SEMA5A: variants seen among roughly 807,000 people sequenced by gnomAD.
SEMA5A encodes semaphorin-5A.
In SEMA5A, 55 loss-of-function variants were observed where a neutral mutation model predicts 135.5. The observed-to-expected ratio is 0.41, with a 90% CI of 0.33 to 0.51. The LOEUF is 0.51. Ranked by LOEUF, SEMA5A falls within the 20% of genes least tolerant of loss-of-function variation. SEMA5A has a pLI of 0.37. For missense variants in SEMA5A, 1,290 were observed against 1,419.9 expected (o/e 0.91, Z 1.47); for synonymous variants, 580 against 546.5 (o/e 1.06, Z -0.85).
At position 9,379,998 on chromosome 5, in the gene SEMA5A, T is replaced by C. The variant is rs1805243; in HGVS notation, c.-52A>G. On this transcript the variant is annotated 5_prime_UTR_variant, in exon 3 of 23. Coordinates refer to ENST00000382496, the MANE Select transcript of SEMA5A (RefSeq NM_003966.3). ...GCACGTGTCTTCTAAACAGAAGCTCTTCTTCTCCTCATGTGTGGAAAGTGC... is the reference window on the plus strand; with the variant it reads ...GCACGTGTCTTCTAAACAGAAGCTCCTCTTCTCCTCATGTGTGGAAAGTGC... 113,459 of 1,558,754 alleles carry C rather than the reference T, an allele frequency of 0.073. 4,680 individuals are homozygous for C. Among genetic ancestry groups the C allele is most frequent in the South Asian group, 0.1 (8,618 of 84,932 alleles).
chr5:9,312,990 G>T (rs1346373855), intron 5 of SEMA5A, among the ~76,000 whole-genome samples: 2 of 152,124 alleles, frequency 1.3e-5, no homozygotes, highest in African/African-American at 4.8e-5. Flanking sequence ...AGTGGAGAGG[G>T]TGCACTAAGG....
In SEMA5A at chr5:9,207,102, G is replaced by GTATATATATATATATATATA. The variant is rs70943947; in HGVS notation, c.647-4882_647-4863dup. ...ACATAATGATAATGAATGATCAAGTGTATATATATATATATATATATATAT... is the reference window on the plus strand; with the variant it reads ...ACATAATGATAATGAATGATCAAGTGTATATATATATATATATATATATATATATATATATATATATATAT... On this transcript the variant is annotated intron_variant, in intron 8 of 22. Coordinates refer to ENST00000382496, the MANE Select transcript of SEMA5A (RefSeq NM_003966.3). 1.6e-3 allele frequency among the ~76,000 whole-genome samples: 160 copies of GTATATATATATATATATATA among 97,624 alleles called. 5 individuals carry two copies. Among genetic ancestry groups the GTATATATATATATATATATA allele is most frequent in the East Asian group, 2.5e-3 (6 of 2,384 alleles). The allele number at this position is 97,624 out of a possible 152,430, so 64.0% of individuals were successfully genotyped here. A position where few individuals can be genotyped will look rare whatever the true frequency, so the allele number is the denominator to read the frequency against.
At chr5:9,054,962 C>T (rs971359555) in intron 18 of SEMA5A, among the ~76,000 whole-genome samples, 6 of 152,100 alleles carry the variant, frequency 3.9e-5, no homozygotes, top group African/African-American at 9.7e-5. Context: ...AAAGTTAGGC[C>T]GAACTGGTTC....
chr5:9,415,392 G>A, intron 2 of SEMA5A, among the ~76,000 whole-genome samples: 1 of 152,070 alleles, frequency 6.6e-6, no homozygotes, highest in South Asian at 2.1e-4. Flanking sequence ...TTGGGGCCTT[G>A]GGGACGTAAA....
At chr5:9,123,313 T>C (rs1740927579) in intron 13 of SEMA5A, among the ~76,000 whole-genome samples, 1 of 139,422 alleles carries the variant, frequency 7.2e-6, no homozygotes, top group African/African-American at 2.6e-5. Context: ...AAGGGAGTAT[T>C]TCAACGTAAA....
intron 11 of SEMA5A, among the ~76,000 whole-genome samples, chr5:9,189,000 C>A (rs924111332): frequency 3.3e-5 from 5 of 152,220 alleles, no homozygotes; most frequent in African/African-American, 1.2e-4. Context: ...CATCTGCCCA[C>A]TCAGTGGTCA....
chr5:9,383,735 C>T (rs1755713067), intron 2 of SEMA5A, among the ~76,000 whole-genome samples: 1 of 152,202 alleles, frequency 6.6e-6, no homozygotes, highest in African/African-American at 2.4e-5. Flanking sequence ...CGATGAAGGG[C>T]ATCATCCAGA....
In SEMA5A at chr5:9,039,011, G is replaced by A. The variant is rs1457360767; in HGVS notation, c.*3886C>T. On this transcript the variant is annotated 3_prime_UTR_variant, in exon 23 of 23. Transcript: ENST00000382496. Reference sequence around the variant, plus strand: ...CCCAAAGTGCTGGGATTATAGGCATGAGCCACTGCACCCAGCCTTTGTCCA... The same window carrying A: ...CCCAAAGTGCTGGGATTATAGGCATAAGCCACTGCACCCAGCCTTTGTCCA... 1.3e-5 allele frequency: 2 copies of A among 152,400 alleles called. No homozygotes were observed. The highest frequency in any genetic ancestry group is 2.9e-5 in the Non-Finnish European group (2 of 68,202). The allele number at this position is 152,400 out of a possible 1,614,324, so 9.4% of individuals were successfully genotyped here. A position where few individuals can be genotyped will look rare whatever the true frequency, so the allele number is the denominator to read the frequency against.
At chr5:9,382,143 A>G (rs1047388918) in intron 2 of SEMA5A, among the ~76,000 whole-genome samples, 21 of 151,974 alleles carry the variant, frequency 1.4e-4, no homozygotes, top group African/African-American at 9.7e-5. Flanking sequence ...AAAAAATAAA[A>G]CTAAAAATTA....
chr5:9,128,977 T>C (rs772870823), intron 13 of SEMA5A, among the ~76,000 whole-genome samples: 17 of 152,186 alleles, frequency 1.1e-4, no homozygotes, highest in Non-Finnish European at 1.8e-4. Flanking sequence ...TAAATGACCT[T>C]GGGGGCAACT....
chr5:9,095,896 T>C (rs1402129844), intron 16 of SEMA5A, among the ~76,000 whole-genome samples: 3 of 152,230 alleles, frequency 2.0e-5, no homozygotes, highest in South Asian at 2.1e-4. Flanking sequence ...ACTGTTCCTA[T>C]AGCATGCCTC....
chr5:9,051,886 A>G lies in SEMA5A; in HGVS notation c.2832T>C (p.Ser944=). ...CTCTGCTCTTACCTGGGATGAAATT[A>G]GAGTCAAACACACACGGCCGGCTCT... The part of the protein sequence containing the change: ...TTESRPCVFD[S]NFIPEVSVAR... The change falls in exon 20 of 23, where the codon TCT becomes TCC. Residue 944 remains serine, a synonymous_variant. Coordinates refer to ENST00000382496, the MANE Select transcript of SEMA5A (RefSeq NM_003966.3). 6.2e-7 allele frequency: 1 copy of G among 1,614,210 alleles called. No individual in the cohort carries two copies. The highest frequency in any genetic ancestry group is 1.1e-5 in the South Asian group (1 of 91,084).
In SEMA5A at chr5:9,144,449, A is replaced by G. The variant is rs548530138; in HGVS notation, c.1482-7828T>C. ...CACCTAACTTAACAGTTTGACTGCA[A>G]TTGAGTGGAAGAGGTTCAATGCCAA... is the stretch of plus-strand genomic sequence containing the variant. On this transcript the variant is annotated intron_variant, in intron 12 of 22. Coordinates refer to ENST00000382496, the MANE Select transcript of SEMA5A (RefSeq NM_003966.3). Among the ~76,000 whole-genome samples, 12 of 152,290 alleles carry G rather than the reference A, an allele frequency of 7.9e-5. No individual in the cohort carries two copies. The East Asian group carries it at 2.1e-3, about 27-fold the overall frequency.
intron 1 of SEMA5A, among the ~76,000 whole-genome samples, chr5:9,446,047 G>A (rs1001722631): frequency 2.6e-5 from 4 of 152,094 alleles, no homozygotes; most frequent in Non-Finnish European, 4.4e-5. Context: ...ACATAGCTCC[G>A]AGCTAAAGAA....
intron 16 of SEMA5A, among the ~76,000 whole-genome samples, chr5:9,102,524 A>G (rs1040765697): frequency 6.6e-5 from 10 of 152,202 alleles, no homozygotes; most frequent in African/African-American, 2.4e-4. Flanking sequence ...GTCTTACAAG[A>G]GCATTCACAA....
chr5:9,335,543 A>G (rs982118790), intron 4 of SEMA5A, among the ~76,000 whole-genome samples: 4 of 152,184 alleles, frequency 2.6e-5, no homozygotes, highest in Non-Finnish European at 4.4e-5. Flanking sequence ...GTCATAGAAA[A>G]GCCTTTCCAA....
intron 1 of SEMA5A, among the ~76,000 whole-genome samples, chr5:9,519,217 CT>C (rs564506610): frequency 2.8e-4 from 42 of 152,046 alleles, no homozygotes; most frequent in South Asian, 6.2e-4. Context: ...CTGGTTGTGA[CT>C]TTTTTTTAGG....
At chr5:9,332,803 A>G (rs1753213171) in intron 4 of SEMA5A, among the ~76,000 whole-genome samples, 1 of 152,220 alleles carries the variant, frequency 6.6e-6, no homozygotes, top group Admixed American at 6.5e-5. Flanking sequence ...GTTATTTTGT[A>G]TAGAATTAAA....
intron 7 of SEMA5A, 63 bp from the exon 8 acceptor site, chr5:9,224,950 G>T: frequency 6.9e-7 from 1 of 1,445,988 alleles, no homozygotes; most frequent in Middle Eastern, 2.5e-4. Flanking sequence ...TGATGCTTAT[G>T]GTCACACCCA....
Sources: allele counts gnomAD v4.1 joint callset (sites outside exome capture counted in the v4.1 genomes callset), GRCh38; gene constraint gnomAD v4.1.1; transcripts MANE v1.5; gene names NCBI Gene and HGNC (gene_info 2026-07-23, HGNC 2026-07-21).